The following HTR2A variants were observed in gnomAD, a reference collection of about 807,000 sequenced individuals.
HTR2A encodes the protein 5-HT2 receptor.
In HTR2A, 14 loss-of-function variants were observed where a neutral mutation model predicts 31.0. The observed-to-expected ratio is 0.45, with a 90% confidence interval of 0.30 to 0.71. HTR2A has a LOEUF of 0.71. Among genes scored for constraint, HTR2A ranks in the 30% least tolerant of loss-of-function variants. The probability of loss-of-function intolerance (pLI) is 0.09; values close to 1 mark genes in which losing one functional copy is unlikely to be tolerated. For missense variants in HTR2A, 442 were observed against 573.3 expected (o/e 0.77, Z 2.34); for synonymous variants, 209 against 225.2 (o/e 0.93, Z 0.64).
intron 3 of HTR2A, among the ~76,000 whole-genome samples, chr13:46,880,450 C>T (rs780989752): frequency 1.3e-5 from 2 of 152,202 alleles, no homozygotes; most frequent in Non-Finnish European, 2.9e-5. Context: ...CACAAGTACC[C>T]TGTCCCTTCT....
chr13:46,843,350 C>A (rs942114667), intron 3 of HTR2A, among the ~76,000 whole-genome samples: 1 of 152,186 alleles, frequency 6.6e-6, no homozygotes, highest in Non-Finnish European at 1.5e-5. Context: ...CAGTGTCTGG[C>A]ATCCACTAGG....
At chr13:46,848,856 G>A (rs948838323) in intron 3 of HTR2A, among the ~76,000 whole-genome samples, 4 of 152,226 alleles carry the variant, frequency 2.6e-5, no homozygotes, top group African/African-American at 7.2e-5. Context: ...GTGTTTACTC[G>A]TAAAGAACTT....
intron 3 of HTR2A, among the ~76,000 whole-genome samples, chr13:46,878,289 T>G (rs78152113): frequency 1.2e-3 from 189 of 152,198 alleles, no homozygotes; most frequent in Non-Finnish European, 2.3e-3. Flanking sequence ...ACTGCTTGCA[T>G]GTGGAGCTTA....
At chr13:46,853,118 T>C (rs1950701005) in intron 3 of HTR2A, among the ~76,000 whole-genome samples, 1 of 152,170 alleles carries the variant, frequency 6.6e-6, no homozygotes, top group African/African-American at 2.4e-5. Flanking sequence ...TGCCTAGAAA[T>C]TTTTTCTTGT....
intron 3 of HTR2A, among the ~76,000 whole-genome samples, chr13:46,865,141 T>G (rs569675234): frequency 6.6e-6 from 1 of 152,338 alleles, no homozygotes; most frequent in East Asian, 1.9e-4. Flanking sequence ...TGAATCACCC[T>G]AGAACATGTT....
rs57923676 is a variant in HTR2A at position 46,868,633 on chromosome 13, T to A, written c.613+23757A>T. Among the ~76,000 whole-genome samples, 539 of 152,340 alleles carry A rather than the reference T, an allele frequency of 3.5e-3. 4 individuals carry two copies. The highest frequency in any genetic ancestry group is 0.013 in the African/African-American group (526 of 41,578). ...ACGGGGGTATATATGAAATTCCCTA[T>A]GTTCAACTGAGTTTCTATTTTATCC... On this transcript the variant is annotated intron_variant, in intron 3 of 3. Coordinates refer to ENST00000542664, the MANE Select transcript of HTR2A (RefSeq NM_000621.5).
intron 3 of HTR2A, among the ~76,000 whole-genome samples, chr13:46,882,977 C>G (rs1950977815): frequency 6.6e-6 from 1 of 152,158 alleles, no homozygotes; most frequent in South Asian, 2.1e-4. Flanking sequence ...GTAACTTGCC[C>G]AAGGTCACAC....
intron 3 of HTR2A, among the ~76,000 whole-genome samples, chr13:46,836,747 T>C (rs550846297): frequency 1.3e-5 from 2 of 152,286 alleles, no homozygotes; most frequent in African/African-American, 4.8e-5. Flanking sequence ...CTAGACATCA[T>C]GTCATTCAAT....
At chr13:46,853,319 C>T (rs1328656645) in intron 3 of HTR2A, among the ~76,000 whole-genome samples, 1 of 152,098 alleles carries the variant, frequency 6.6e-6, no homozygotes, top group Admixed American at 6.5e-5. Context: ...TTGCTGGACA[C>T]CTCCATACTC....
chr13:46,894,467 G>A (rs556622815), intron 2 of HTR2A, among the ~76,000 whole-genome samples: 1 of 152,312 alleles, frequency 6.6e-6, no homozygotes, highest in African/African-American at 2.4e-5. Context: ...GGCTGGACTT[G>A]GAATGAGTGT....
rs57667085 is a variant in HTR2A, at chr13:46,839,008, A to ACC, written c.614-3371_614-3370dup. Among the ~76,000 whole-genome samples, 569 of 144,048 alleles carry ACC rather than the reference A, an allele frequency of 4.0e-3. 12 individuals are homozygous for ACC. The highest frequency in any genetic ancestry group is 0.025 in the South Asian group (116 of 4,602). 94.5% of individuals were successfully genotyped at this position (144,048 alleles called of 152,430 possible). The stretch of plus-strand genomic sequence containing the variant: ...CACACACACACACACACACACACAC[A>ACC]CCCTTACAGAATAGCCCAGTTTCTG... On this transcript the variant is annotated intron_variant, in intron 3 of 3. Transcript: ENST00000542664.
chr13:46,893,954 T>TATTTGC (rs1951076978), intron 2 of HTR2A, among the ~76,000 whole-genome samples: 1 of 152,214 alleles, frequency 6.6e-6, no homozygotes, highest in Admixed American at 6.5e-5. Context: ...TCACATGTAT[T>TATTTGC]ATTTGCAAAG....
chr13:46,885,080 A>C (rs892015831), intron 3 of HTR2A, among the ~76,000 whole-genome samples: 1 of 152,120 alleles, frequency 6.6e-6, no homozygotes, highest in Non-Finnish European at 1.5e-5. Flanking sequence ...CGTACCTATG[A>C]TAAAACTTAA....
chr13:46,868,244 C>T (rs140547065), intron 3 of HTR2A, among the ~76,000 whole-genome samples: 5 of 152,304 alleles, frequency 3.3e-5, no homozygotes, highest in African/African-American at 9.6e-5. Flanking sequence ...GCTGCCAGAG[C>T]TGGGTCAGAG....
intron 3 of HTR2A, among the ~76,000 whole-genome samples, chr13:46,881,418 T>G (rs1484152873): frequency 6.6e-6 from 1 of 152,212 alleles, no homozygotes; most frequent in Non-Finnish European, 1.5e-5. Flanking sequence ...GCCACTCAGC[T>G]GCAGGCTGGG....
Position 46,892,416 on chromosome 13 carries a change from A to G in HTR2A, c.587T>C (p.Ile196Thr). Reference protein sequence around the residue: ...FNSRTKAFLKIIAVWTISVGI... With the variant: ...FNSRTKAFLKTIAVWTISVGI... ...TACTGATATGGTCCAAACAGCAATG[A>G]TTTTCAGAAATGCCTTAGTTCTGGA... Residue 196 changes from isoleucine to threonine, a missense_variant, in exon 3 of 4, where the codon ATC (isoleucine) becomes ACC (threonine). Coordinates refer to ENST00000542664, the MANE Select transcript of HTR2A (RefSeq NM_000621.5). 6.2e-7 allele frequency: 1 copy of G among 1,614,210 alleles called. No individual in the cohort carries two copies. The highest frequency in any genetic ancestry group is 8.5e-7 in the Non-Finnish European group (1 of 1,180,026).
At chr13:46,871,255 G>A (rs1226584696) in intron 3 of HTR2A, among the ~76,000 whole-genome samples, 3 of 152,178 alleles carry the variant, frequency 2.0e-5, no homozygotes, top group Admixed American at 6.5e-5. Context: ...CCATCCTTGT[G>A]AAAAAGCTAT....
At chr13:46,847,241 AG>A (rs1316939908) in intron 3 of HTR2A, among the ~76,000 whole-genome samples, 1 of 152,188 alleles carries the variant, frequency 6.6e-6, no homozygotes. Context: ...TTTCAAAGAT[AG>A]TTCTGCTAGG....
At chr13:46,838,366 T>A (rs778007249) in intron 3 of HTR2A, among the ~76,000 whole-genome samples, 4 of 152,164 alleles carry the variant, frequency 2.6e-5, no homozygotes, top group Non-Finnish European at 5.9e-5. Context: ...CATACCTTCA[T>A]GCATTTGGTG....
Sources: allele counts gnomAD v4.1 joint callset (sites outside exome capture counted in the v4.1 genomes callset), GRCh38; gene constraint gnomAD v4.1.1; transcripts MANE v1.5; gene names NCBI Gene and HGNC (gene_info 2026-07-23, HGNC 2026-07-21).